The following DPYD variants were observed in gnomAD, a reference collection of about 807,000 sequenced individuals.
DPYD encodes dihydropyrimidine dehydrogenase [NADP(+)].
A neutral mutation model predicts 116.2 loss-of-function variants in DPYD; 109 were observed. That is an observed-to-expected ratio of 0.94 (90% confidence interval 0.80 to 1.10). The LOEUF (loss-of-function observed/expected upper bound fraction) is 1.10. DPYD is among the 50% of genes least tolerant of loss of function. DPYD has a pLI of 0.00. For missense variants in DPYD, 1,302 were observed against 1,254.5 expected (o/e 1.04, Z -0.57); for synonymous variants, 440 against 432.0 (o/e 1.02, Z -0.23).
At chr1:97,339,707 T>C (rs1342198485) in intron 16 of DPYD, among the ~76,000 whole-genome samples, 3 of 152,210 alleles carry the variant, frequency 2.0e-5, no homozygotes, top group Non-Finnish European at 4.4e-5. Context: ...CAATGCAGTG[T>C]TAATACAGTG....
intron 4 of DPYD, among the ~76,000 whole-genome samples, chr1:97,728,964 GA>G (rs1260105390): frequency 6.6e-6 from 1 of 151,920 alleles, no homozygotes; most frequent in Non-Finnish European, 1.5e-5. Context: ...AAAAAAAATG[GA>G]GATAGAAGAA....
At chr1:97,679,460 C>T (rs185357900) in intron 7 of DPYD, among the ~76,000 whole-genome samples, 171 of 152,188 alleles carry the variant, frequency 1.1e-3, no homozygotes, top group Non-Finnish European at 1.4e-3. Flanking sequence ...GTTCAAAGCA[C>T]GATGTGGGGC....
chr1:97,666,634 A>C (rs1659577409), intron 8 of DPYD, among the ~76,000 whole-genome samples: 1 of 152,214 alleles, frequency 6.6e-6, no homozygotes, highest in South Asian at 2.1e-4. Flanking sequence ...GCATGGTATC[A>C]GGAAAACATA....
rs1014505021 is a variant in DPYD at position 97,326,541 on chromosome 1, G to A, written c.2059-20244C>T. 2.0e-5 allele frequency among the ~76,000 whole-genome samples: 3 copies of A among 151,988 alleles called. No individual in the cohort carries two copies. The South Asian group carries it at 6.2e-4, about 32-fold the overall frequency. ...TACTAAGGTGCAGAATCCTTATAAT[G>A]GTCAGAGAGAGAGGAGAACAACCAG... On this transcript the variant is annotated intron_variant, in intron 16 of 22. Coordinates refer to ENST00000370192, the MANE Select transcript of DPYD (RefSeq NM_000110.4).
intron 5 of DPYD, among the ~76,000 whole-genome samples, chr1:97,702,385 T>G (rs1344946168): frequency 6.6e-6 from 1 of 151,778 alleles, no homozygotes; most frequent in African/African-American, 2.4e-5. Context: ...CTAATTTTAT[T>G]TAGGGATTAA....
intron 16 of DPYD, among the ~76,000 whole-genome samples, chr1:97,327,498 A>C (rs1262172694): frequency 6.6e-6 from 1 of 152,012 alleles, no homozygotes; most frequent in Non-Finnish European, 1.5e-5. Flanking sequence ...AGAAGAAAAA[A>C]CTAAAATTAC....
intron 18 of DPYD, among the ~76,000 whole-genome samples, chr1:97,290,830 A>C (rs1470118397): frequency 1.3e-5 from 2 of 152,220 alleles, no homozygotes; most frequent in African/African-American, 4.8e-5. Flanking sequence ...GCCAGAGTTA[A>C]CAAATGGGAT....
chr1:97,205,171 T>C (rs534115210), intron 19 of DPYD, among the ~76,000 whole-genome samples: 1 of 152,068 alleles, frequency 6.6e-6, no homozygotes, highest in Admixed American at 6.6e-5. Flanking sequence ...ATTATTAAAA[T>C]TCATAGTTTA....
intron 10 of DPYD, among the ~76,000 whole-genome samples, chr1:97,580,986 G>A (rs973837881): frequency 6.6e-6 from 1 of 152,058 alleles, no homozygotes; most frequent in African/African-American, 2.4e-5. Context: ...GAGGGTTCTT[G>A]CTAAAACTGC....
At chr1:97,691,367 T>TA (rs1165252268) in intron 7 of DPYD, 1 of 194,388 alleles carries the variant, frequency 5.1e-6, no homozygotes, top group East Asian at 1.3e-4. Context: ...TGTGAAATAC[T>TA]AATGTTTCAG....
At position 97,609,342 on chromosome 1, in the gene DPYD, C is replaced by G. The variant is rs371805207; in HGVS notation, c.851-14176G>C. Among the ~76,000 whole-genome samples the G allele has an allele frequency of 9.0e-4, 137 of 151,984 alleles. 1 individual carries two copies. The Middle Eastern group carries it at 0.02, about 23-fold the overall frequency. ...TAGACTCTTTTGAAACCCTAACTTG[C>G]TGTTTTGTCAATGTATTCTACAGAA... On this transcript the variant is annotated intron_variant, in intron 8 of 22. Transcript: ENST00000370192.
chr1:97,573,451 G>A (rs867603038), intron 11 of DPYD, among the ~76,000 whole-genome samples: 1 of 151,966 alleles, frequency 6.6e-6, no homozygotes, highest in Non-Finnish European at 1.5e-5. Context: ...TCTTACTCTA[G>A]TCTAATTGAA....
intron 18 of DPYD, among the ~76,000 whole-genome samples, chr1:97,269,999 C>T (rs1483728813): frequency 1.3e-5 from 2 of 152,152 alleles, no homozygotes; most frequent in Non-Finnish European, 2.9e-5. Flanking sequence ...TCATTTGGCT[C>T]AAATGAAGAA....
chr1:97,314,937 T>C (rs138317927), intron 16 of DPYD, among the ~76,000 whole-genome samples: 1,574 of 152,018 alleles, frequency 0.01, 18 homozygotes, highest in South Asian at 0.025. Context: ...AATATGTAAA[T>C]ACCTTGTCTC....
intron 8 of DPYD, among the ~76,000 whole-genome samples, chr1:97,595,421 T>A (rs3790386): frequency 6.6e-6 from 1 of 151,952 alleles, no homozygotes; most frequent in Non-Finnish European, 1.5e-5. Flanking sequence ...TGGAAACATA[T>A]GTATATACAC....
At chr1:97,765,378 C>CCGCA (rs1665791454) in intron 3 of DPYD, among the ~76,000 whole-genome samples, 1 of 152,142 alleles carries the variant, frequency 6.6e-6, no homozygotes, top group Non-Finnish European at 1.5e-5. Context: ...GAGCACTGTG[C>CCGCA]CCATCAGCCA....
At chr1:97,292,715 CGCGCG>C (rs1666286535) in intron 18 of DPYD, among the ~76,000 whole-genome samples, 1 of 95,332 alleles carries the variant, frequency 1.0e-5, no homozygotes, top group African/African-American at 3.8e-5. Flanking sequence ...CGCGCGCACA[CGCGCG>C]AGCACACACA....
chr1:97,084,111 C>G lies in DPYD; in HGVS notation c.2767-1641G>C, dbSNP rs900916576. On this transcript the variant is annotated intron_variant, in intron 21 of 22. Transcript: ENST00000370192. ...AGACACAGACTAAATTTCTCACTACCTTATTCAAAAATCTGTTGAATTAGG... is the reference window on the plus strand; with the variant it reads ...AGACACAGACTAAATTTCTCACTACGTTATTCAAAAATCTGTTGAATTAGG... 2.0e-5 allele frequency among the ~76,000 whole-genome samples: 3 copies of G among 152,018 alleles called. No individual in the cohort carries two copies. In the South Asian group the frequency reaches 6.2e-4, roughly 32 times the overall value.
chr1:97,661,682 T>C (rs988853783), intron 8 of DPYD, among the ~76,000 whole-genome samples: 1 of 152,132 alleles, frequency 6.6e-6, no homozygotes, highest in African/African-American at 2.4e-5. Context: ...AATAACTTTA[T>C]TGGTTAGTAA....
Sources: gnomAD v4.1 joint callset for allele counts (sites outside exome capture counted in the v4.1 genomes callset) on GRCh38, gnomAD v4.1.1 for gene constraint, MANE v1.5 for transcripts, NCBI Gene and HGNC (gene_info 2026-07-23, HGNC 2026-07-21) for gene names.